MTMR3: variants seen among roughly 807,000 people sequenced by gnomAD.
MTMR3 encodes the protein myotubularin related protein 3.
In MTMR3, 32 loss-of-function variants were observed where a neutral mutation model predicts 132.4. The ratio of observed to expected loss-of-function variants is 0.24; its 90% CI spans 0.18 to 0.32. The LOEUF is 0.32. Ranked by LOEUF, MTMR3 falls within the 10% of genes least tolerant of loss-of-function variation. The probability of loss-of-function intolerance (pLI) is 1.00; values close to 1 mark genes in which losing one functional copy is unlikely to be tolerated. For synonymous variants in MTMR3, 556 were observed against 550.3 expected (o/e 1.01, Z -0.14); for missense variants, 1,216 against 1,489.6 (o/e 0.82, Z 3.02).
intron 3 of MTMR3, among the ~76,000 whole-genome samples, chr22:29,975,549 T>C (rs906134120): frequency 2.0e-5 from 3 of 152,210 alleles, no homozygotes; most frequent in South Asian, 2.1e-4. Flanking sequence ...ATTTTAAGTT[T>C]TCCCAGATAA....
Position 29,979,117 on chromosome 22 carries a change from C to T in MTMR3, c.210+65C>T, listed in dbSNP as rs181278601. On this transcript the variant is annotated intron_variant, in intron 5 of 19. Coordinates refer to ENST00000401950, the MANE Select transcript of MTMR3 (RefSeq NM_021090.4). ...AGAAAGTAAGTCAAAAAACTTAATG[C>T]TCTCAAAGAGAGGAGAGGCATACAG... 2,360 of 1,086,128 alleles carry T rather than the reference C, an allele frequency of 2.2e-3. 46 individuals are homozygous for T. Among genetic ancestry groups the T allele is most frequent in the Non-Finnish European group, 3.5e-4 (248 of 701,742 alleles). 67.3% of individuals were successfully genotyped at this position (1,086,128 alleles called of 1,614,324 possible). A position where few individuals can be genotyped will look rare whatever the true frequency, so the allele number is the denominator to read the frequency against.
At chr22:29,891,349 T>C (rs935932830) in intron 1 of MTMR3, among the ~76,000 whole-genome samples, 3 of 149,934 alleles carry the variant, frequency 2.0e-5, no homozygotes, top group African/African-American at 7.3e-5. Flanking sequence ...ATATATTTAA[T>C]ATATATGTGT....
At chr22:29,962,212 C>T (rs886219660) in intron 2 of MTMR3, among the ~76,000 whole-genome samples, 4 of 152,166 alleles carry the variant, frequency 2.6e-5, no homozygotes, top group African/African-American at 9.7e-5. Flanking sequence ...CGAACTTCTG[C>T]TTACCAATTT....
At chr22:29,982,933 TTGTTTGTG>T (rs1026467156) in intron 5 of MTMR3, 47 of 108,486 alleles carry the variant, frequency 4.3e-4, no homozygotes, top group African/African-American at 2.1e-3. Flanking sequence ...GTTTAAAAGT[TTGTTTGTG>T]TGTGTGTGTG....
chr22:29,927,188 T>TACATA (rs1434164660), intron 1 of MTMR3, among the ~76,000 whole-genome samples: 1 of 152,240 alleles, frequency 6.6e-6, no homozygotes, highest in Non-Finnish European at 1.5e-5. Flanking sequence ...GTTTATTTCT[T>TACATA]GACTTTAAAT....
At chr22:29,908,039 G>C (rs2065137184) in intron 1 of MTMR3, among the ~76,000 whole-genome samples, 1 of 152,178 alleles carries the variant, frequency 6.6e-6, no homozygotes, top group Non-Finnish European at 1.5e-5. Flanking sequence ...ATGAGATCTT[G>C]CTTGTACCTC....
In MTMR3 at chr22:29,998,916, A is replaced by G. The variant is rs140386434; in HGVS notation, c.557+59A>G. The stretch of plus-strand genomic sequence containing the variant: ...AGCCAGTGCCTTTGCAGAAACCGCA[A>G]TTCTCATGTGGCAGAACATTTGAAC... On this transcript the variant is annotated intron_variant, in intron 8 of 19. Coordinates refer to ENST00000401950, the MANE Select transcript of MTMR3 (RefSeq NM_021090.4). 741 of 1,104,856 alleles carry G rather than the reference A, an allele frequency of 6.7e-4. 2 individuals carry two copies. The African/African-American group carries it at 9.3e-3, about 14-fold the overall frequency. 68.4% of individuals were successfully genotyped at this position (1,104,856 alleles called of 1,614,324 possible).
At chr22:30,014,662 A>C (rs2145957213) in intron 14 of MTMR3, 1 of 152,178 alleles carries the variant, frequency 6.6e-6, no homozygotes, top group African/African-American at 2.4e-5. Context: ...GCACATGCCA[A>C]GATGCCTGGC....
intron 1 of MTMR3, among the ~76,000 whole-genome samples, chr22:29,902,739 C>G (rs1300402701): frequency 1.3e-5 from 2 of 152,034 alleles, no homozygotes; most frequent in Non-Finnish European, 2.9e-5. Context: ...TTCTTCTCCT[C>G]TCCTCCCCTC....
intron 1 of MTMR3, among the ~76,000 whole-genome samples, chr22:29,917,394 A>G (rs1000957186): frequency 1.3e-5 from 2 of 152,162 alleles, no homozygotes; most frequent in African/African-American, 4.8e-5. Context: ...GCTACTCACT[A>G]CTTGGCAGGC....
In MTMR3 at chr22:29,920,118, G is replaced by T. The variant is rs572227228; in HGVS notation, c.-138+36759G>T. On this transcript the variant is annotated intron_variant, in intron 1 of 19. Transcript: ENST00000401950. ...AGTCCCAGCTACTCGGGAGGCTGAG[G>T]CAGGAGAATCGCTTGAACCTGGGAG... 4.5e-3 allele frequency among the ~76,000 whole-genome samples: 677 copies of T among 151,866 alleles called. 6 individuals are homozygous for T. Among genetic ancestry groups the T allele is most frequent in the African/African-American group, 0.015 (639 of 41,420 alleles).
intron 1 of MTMR3, among the ~76,000 whole-genome samples, chr22:29,939,071 C>T (rs904903555): frequency 6.6e-6 from 1 of 152,148 alleles, no homozygotes; most frequent in Non-Finnish European, 1.5e-5. Flanking sequence ...ATATACCCGC[C>T]TCGGCCTCCC....
At chr22:29,925,945 A>G (rs1431110497) in intron 1 of MTMR3, among the ~76,000 whole-genome samples, 1 of 152,184 alleles carries the variant, frequency 6.6e-6, no homozygotes, top group Non-Finnish European at 1.5e-5. Flanking sequence ...AATAAAGTAT[A>G]CAATGTAATG....
chr22:29,973,703 G>A (rs1341548251), intron 3 of MTMR3, among the ~76,000 whole-genome samples: 1 of 152,082 alleles, frequency 6.6e-6, no homozygotes, highest in East Asian at 1.9e-4. Flanking sequence ...GGGTACAAGC[G>A]ATTCTCCTGC....
chr22:29,884,580 T>C (rs111444479), intron 1 of MTMR3, among the ~76,000 whole-genome samples: 1 of 77,480 alleles, frequency 1.3e-5, no homozygotes, highest in Non-Finnish European at 2.6e-5. Context: ...TTTTTTTTTT[T>C]AAGACAGAAT....
intron 1 of MTMR3, among the ~76,000 whole-genome samples, chr22:29,937,854 G>A (rs995401609): frequency 6.6e-6 from 1 of 152,070 alleles, no homozygotes; most frequent in Non-Finnish European, 1.5e-5. Flanking sequence ...TTTAGTTGTT[G>A]GTTCCTAATT....
At position 29,970,497 on chromosome 22, in the gene MTMR3, C is replaced by CTTTTTTT. The variant is rs11326857; in HGVS notation, c.-84-457_-84-451dup. Among the ~76,000 whole-genome samples, 342 of 57,790 alleles carry CTTTTTTT rather than the reference C, an allele frequency of 5.9e-3. 33 individuals are homozygous for CTTTTTTT. The highest frequency in any genetic ancestry group is 0.025 in the African/African-American group (322 of 12,706). The allele number at this position is 57,790 out of a possible 152,430, so 37.9% of individuals were successfully genotyped here. On this transcript the variant is annotated intron_variant, in intron 2 of 19. Coordinates refer to ENST00000401950, the MANE Select transcript of MTMR3 (RefSeq NM_021090.4). The stretch of plus-strand genomic sequence containing the variant: ...TACAGGCATGTGCTGCCATGACCAG[C>CTTTTTTT]TTTTTTTTTTTTTTTTTTTTTTTTT...
intron 1 of MTMR3, among the ~76,000 whole-genome samples, chr22:29,930,183 A>G (rs1172643666): frequency 1.3e-5 from 2 of 152,230 alleles, no homozygotes; most frequent in Non-Finnish European, 2.9e-5. Flanking sequence ...TATATTTTGG[A>G]AAATATATAC....
intron 1 of MTMR3, among the ~76,000 whole-genome samples, chr22:29,948,986 T>A (rs771847929): frequency 6.6e-6 from 1 of 151,696 alleles, no homozygotes; most frequent in Non-Finnish European, 1.5e-5. Context: ...TAGTCCCAAC[T>A]ACTCAGGAGG....
Sources: allele counts gnomAD v4.1 joint callset (sites outside exome capture counted in the v4.1 genomes callset), GRCh38; gene constraint gnomAD v4.1.1; transcripts MANE v1.5; gene names NCBI Gene and HGNC (gene_info 2026-07-23, HGNC 2026-07-21).